FGF14: variants seen among roughly 807,000 people sequenced by gnomAD.
FGF14 encodes fibroblast growth factor 14.
A neutral mutation model predicts 25.5 loss-of-function variants in FGF14; 5 were observed. The observed-to-expected ratio is 0.20, with a 90% confidence interval of 0.10 to 0.41. The LOEUF (loss-of-function observed/expected upper bound fraction) is 0.41. FGF14 is among the 10% of genes least tolerant of loss of function. The pLI is 1.00. For synonymous variants in FGF14, 138 were observed against 118.3 expected (o/e 1.17, Z -1.08); for missense variants, 222 against 320.1 (o/e 0.69, Z 2.34).
chr13:101,945,534 G>A (rs1227918516), intron 1 of FGF14, among the ~76,000 whole-genome samples: 2 of 152,138 alleles, frequency 1.3e-5, no homozygotes, highest in Admixed American at 6.5e-5. Context: ...CTGGTGGACC[G>A]TGGCAAGAGG....
At chr13:102,365,931 T>A (rs573741771) in intron 1 of FGF14, among the ~76,000 whole-genome samples, 1 of 152,160 alleles carries the variant, frequency 6.6e-6, no homozygotes, top group Non-Finnish European at 1.5e-5. Context: ...AACAATAATA[T>A]GTTGTTTGAT....
chr13:101,791,263 A>G (rs1566906878), intron 3 of FGF14, among the ~76,000 whole-genome samples: 1 of 152,178 alleles, frequency 6.6e-6, no homozygotes, highest in Non-Finnish European at 1.5e-5. Flanking sequence ...AGGTGCTGTA[A>G]CCGGCATGAA....
chr13:102,383,845 T>A (rs976627747), intron 1 of FGF14, among the ~76,000 whole-genome samples: 3 of 151,968 alleles, frequency 2.0e-5, no homozygotes, highest in Admixed American at 6.6e-5. Flanking sequence ...TAGAAGGAAT[T>A]CAGGAAGGGT....
chr13:101,871,238 C>T lies in FGF14; in HGVS notation c.305-2410G>A, dbSNP rs896499811. On this transcript the variant is annotated intron_variant, in intron 2 of 4. Transcript: ENST00000376143. ...AAGAATAATGGAGATGTTTTTGTGA[C>T]TTTGTTCATTCATGGAACATTCTAG... is the stretch of plus-strand genomic sequence containing the variant. Among the ~76,000 whole-genome samples the T allele has an allele frequency of 1.2e-4, 19 of 152,200 alleles. 1 individual carries two copies. In the South Asian group the frequency reaches 3.5e-3, roughly 28 times the overall value.
rs548176651 is a variant in FGF14 at position 102,295,087 on chromosome 13, C to A, written c.208+106384G>T. ...GGTATGATTATTTTAAGTTGGCCAC[C>A]CATAGGAGTTTAAAACCAGAAAGAA... On this transcript the variant is annotated intron_variant, in intron 1 of 4. Transcript: ENST00000376131. Among the ~76,000 whole-genome samples, 3 of 152,110 alleles carry A rather than the reference C, an allele frequency of 2.0e-5. No homozygotes were observed. The East Asian group carries it at 5.8e-4, about 29-fold the overall frequency.
At chr13:102,084,411 C>G (rs1396269428) in intron 1 of FGF14, among the ~76,000 whole-genome samples, 1 of 152,114 alleles carries the variant, frequency 6.6e-6, no homozygotes, top group Non-Finnish European at 1.5e-5. Context: ...CAATGAATAA[C>G]AGAATAAATT....
chr13:102,086,466 C>T (rs559334029), intron 1 of FGF14, among the ~76,000 whole-genome samples: 3 of 152,100 alleles, frequency 2.0e-5, no homozygotes, highest in African/African-American at 7.2e-5. Flanking sequence ...GGAGGCGGAG[C>T]TTGCAGTGAG....
At chr13:102,130,431 A>G (rs1386980010) in intron 1 of FGF14, among the ~76,000 whole-genome samples, 4 of 152,056 alleles carry the variant, frequency 2.6e-5, no homozygotes, top group Non-Finnish European at 5.9e-5. Context: ...CATCCCTCTA[A>G]GCTCCTCTTC....
chr13:102,042,841 C>T (rs964679812), intron 1 of FGF14, among the ~76,000 whole-genome samples: 1 of 152,150 alleles, frequency 6.6e-6, no homozygotes, highest in Non-Finnish European at 1.5e-5. Context: ...ACTCTCAAAA[C>T]TATGGATAGT....
chr13:101,826,200 TC>T (rs2042386649), intron 3 of FGF14, among the ~76,000 whole-genome samples: 3 of 152,052 alleles, frequency 2.0e-5, no homozygotes, highest in Non-Finnish European at 4.4e-5. Context: ...CATCTTTTAG[TC>T]TTTTTTCTAC....
chr13:101,935,028 G>C (rs2035011233), intron 1 of FGF14, among the ~76,000 whole-genome samples: 1 of 152,054 alleles, frequency 6.6e-6, no homozygotes. Flanking sequence ...CTTGTTTTAG[G>C]CTCACTGAGA....
intron 1 of FGF14, among the ~76,000 whole-genome samples, chr13:101,954,452 C>T (rs988327925): frequency 3.9e-5 from 6 of 152,048 alleles, no homozygotes; most frequent in Admixed American, 6.5e-5. Context: ...TGAAGAAACA[C>T]GTAAAAGCAA....
chr13:102,230,365 A>T (rs2051024418), intron 1 of FGF14, among the ~76,000 whole-genome samples: 1 of 152,256 alleles, frequency 6.6e-6, no homozygotes, highest in African/African-American at 2.4e-5. Context: ...TTAAGAAGAT[A>T]ACCTTTGTCC....
At chr13:102,380,439 C>G (rs148386190) in intron 1 of FGF14, among the ~76,000 whole-genome samples, 261 of 152,206 alleles carry the variant, frequency 1.7e-3, no homozygotes, top group African/African-American at 5.9e-3. Flanking sequence ...CTAGTTAACT[C>G]CCAGTTTCAG....
At chr13:101,902,074 C>T (rs540749926) in intron 1 of FGF14, among the ~76,000 whole-genome samples, 1 of 152,090 alleles carries the variant, frequency 6.6e-6, no homozygotes, top group East Asian at 1.9e-4. Flanking sequence ...TACTTGAAAC[C>T]ATAGGAATAT....
intron 1 of FGF14, among the ~76,000 whole-genome samples, chr13:101,924,073 A>G (rs2034193715): frequency 6.6e-6 from 1 of 152,102 alleles, no homozygotes; most frequent in Non-Finnish European, 1.5e-5. Flanking sequence ...AGATTAAAAT[A>G]CCAAGCATTT....
At chr13:102,388,388 T>A (rs954332277) in intron 1 of FGF14, among the ~76,000 whole-genome samples, 2 of 152,202 alleles carry the variant, frequency 1.3e-5, no homozygotes, top group Non-Finnish European at 2.9e-5. Context: ...AACAACAACA[T>A]AAATGTACCT....
intron 1 of FGF14, among the ~76,000 whole-genome samples, chr13:102,115,410 A>G (rs1422648082): frequency 6.6e-6 from 1 of 152,212 alleles, no homozygotes; most frequent in African/African-American, 2.4e-5. Context: ...TTTTAATGGT[A>G]GCCATTCTGA....
At chr13:101,775,981 T>C (rs2139999432) in intron 3 of FGF14, among the ~76,000 whole-genome samples, 1 of 152,244 alleles carries the variant, frequency 6.6e-6, no homozygotes, top group East Asian at 1.9e-4. Context: ...AAAGAAAAAT[T>C]CATGGAAGCG....
Sources: gnomAD v4.1 joint callset for allele counts (sites outside exome capture counted in the v4.1 genomes callset) on GRCh38, gnomAD v4.1.1 for gene constraint, MANE v1.5 for transcripts, NCBI Gene and HGNC (gene_info 2026-07-23, HGNC 2026-07-21) for gene names.